AOX1: variants seen among roughly 807,000 people sequenced by gnomAD.
AOX1 encodes the protein aldehyde oxidase 1.
Under a neutral mutation model 169.5 loss-of-function variants are expected in AOX1, and 153 were observed. The ratio of observed to expected loss-of-function variants is 0.90; its 90% CI spans 0.79 to 1.03. The LOEUF is 1.03. Among genes scored for constraint, AOX1 ranks in the 50% least tolerant of loss-of-function variants. The pLI is 0.00. For missense variants in AOX1, 1,656 were observed against 1,663.9 expected, an observed-to-expected ratio of 1.00 and a Z score of 0.08; for synonymous variants, 562 against 581.9, an observed-to-expected ratio of 0.97 and a Z score of 0.49.
intron 23 of AOX1, among the ~76,000 whole-genome samples, chr2:200,638,726 T>G (rs772616619): frequency 1.3e-5 from 2 of 152,226 alleles, no homozygotes; most frequent in Non-Finnish European, 2.9e-5. Flanking sequence ...TCAAGGATAT[T>G]TTTGTAAAAT....
At chr2:200,616,126 T>G in intron 16 of AOX1, 63 bp downstream of exon 16, 2 of 1,170,116 alleles carry the variant, frequency 1.7e-6, no homozygotes, top group Non-Finnish European at 2.5e-6. Flanking sequence ...GACCTGGACA[T>G]TCCCACTGTC....
chr2:200,656,983 T>A (rs2035701049), intron 27 of AOX1, 46 bp downstream of exon 27: 8 of 1,326,104 alleles, frequency 6.0e-6, no homozygotes, highest in Non-Finnish European at 8.3e-6. Context: ...TGCTTATAGA[T>A]CTGTTCATGA....
chr2:200,594,070 G>A (rs952267068), intron 2 of AOX1, among the ~76,000 whole-genome samples: 3 of 152,154 alleles, frequency 2.0e-5, no homozygotes, highest in African/African-American at 7.2e-5. Context: ...AATGTGCCAG[G>A]ATTTTATTAG....
intron 10 of AOX1, among the ~76,000 whole-genome samples, chr2:200,607,061 G>A (rs2034531656): frequency 6.6e-6 from 1 of 152,160 alleles, no homozygotes; most frequent in African/African-American, 2.4e-5. Flanking sequence ...TCTTGTGCCA[G>A]TTTTCAAAGG....
At chr2:200,648,347 A>C (rs942060928) in intron 25 of AOX1, among the ~76,000 whole-genome samples, 10 of 152,036 alleles carry the variant, frequency 6.6e-5, no homozygotes, top group Non-Finnish European at 1.3e-4. Context: ...AACTGCAGTG[A>C]TTGTTGTCTT....
intron 1 of AOX1, among the ~76,000 whole-genome samples, chr2:200,588,725 G>GTTTTTTTTTTTTTT (rs1247445142): frequency 2.4e-5 from 1 of 40,886 alleles, no homozygotes; most frequent in Non-Finnish European, 6.6e-5. Context: ...ACTAGAATAA[G>GTTTTTTTTTTTTTT]CTTTTTTTTT....
At chr2:200,638,810 A>G (rs1184319508) in intron 23 of AOX1, among the ~76,000 whole-genome samples, 1 of 152,222 alleles carries the variant, frequency 6.6e-6, no homozygotes, top group Non-Finnish European at 1.5e-5. Flanking sequence ...GAAAAATTTT[A>G]CTTCTCAGAG....
chr2:200,681,649 A>G (rs746423414), downstream of AOX1, among the ~76,000 whole-genome samples: 2 of 152,242 alleles, frequency 1.3e-5, no homozygotes, highest in Non-Finnish European at 2.9e-5. Context: ...GGCAAGAATT[A>G]TCCATTCCTA....
At position 200,597,775 on chromosome 2, in the gene AOX1, A is replaced by C. The variant is rs1033014822; in HGVS notation, c.309+270A>C. Among the ~76,000 whole-genome samples the C allele has an allele frequency of 6.0e-4, 91 of 152,192 alleles. 1 individual carries two copies. Among genetic ancestry groups the C allele is most frequent in the African/African-American group, 2.1e-3 (89 of 41,450 alleles). ...TTTGTGGGTTTGTTTTTTGTGTTCT[A>C]ATTCGATGGGACCTATCTATTTGAC... On this transcript the variant is annotated intron_variant, in intron 4 of 34. Transcript: ENST00000374700.
At chr2:200,586,188 T>C in intron 1 of AOX1, 35 bp downstream of exon 1, 2 of 1,536,862 alleles carry the variant, frequency 1.3e-6, no homozygotes, top group Middle Eastern at 1.9e-4. Context: ...CCCCCAGACC[T>C]GCGGCCAGGG....
At chr2:200,614,362 C>T (rs1369667964) in intron 15 of AOX1, among the ~76,000 whole-genome samples, 1 of 152,158 alleles carries the variant, frequency 6.6e-6, no homozygotes, top group Non-Finnish European at 1.5e-5. Flanking sequence ...GCTTCATTTC[C>T]CTAGCCCATA....
chr2:200,589,654 T>C (rs957773392), intron 1 of AOX1, among the ~76,000 whole-genome samples: 1 of 152,232 alleles, frequency 6.6e-6, no homozygotes, highest in Non-Finnish European at 1.5e-5. Flanking sequence ...TAAATTGATA[T>C]GTGGAAACAA....
chr2:200,607,468 TAAATG>T (rs2034539055), intron 10 of AOX1, among the ~76,000 whole-genome samples: 1 of 152,048 alleles, frequency 6.6e-6, no homozygotes, highest in East Asian at 1.9e-4. Flanking sequence ...CAGGAAACAA[TAAATG>T]CTGGCAAGGC....
intron 31 of AOX1, among the ~76,000 whole-genome samples, chr2:200,666,274 C>T (rs2035922934): frequency 1.3e-5 from 2 of 152,318 alleles, no homozygotes; most frequent in African/African-American, 2.4e-5. Context: ...AAACATTCCT[C>T]AGCCAGTTGT....
Position 200,586,152 on chromosome 2 carries a change from A to G in AOX1, c.44A>G (p.Lys15Arg). The G allele has an allele frequency of 6.4e-7, 1 of 1,560,632 alleles. No individual in the cohort carries two copies. The highest frequency in any genetic ancestry group is 1.2e-5 in the South Asian group (1 of 84,636). ...SELLFYVNGR[K>R]VIEKNVDPET... is the part of the protein sequence containing the mutation. Reference sequence around the variant, plus strand: ...CTGCTCTTCTACGTGAACGGCCGCAAGGTGAGCGCCCGCGGGCTTCCTCTG... The same window carrying G: ...CTGCTCTTCTACGTGAACGGCCGCAGGGTGAGCGCCCGCGGGCTTCCTCTG... The change falls in exon 1 of 35, where the codon AAG (lysine) becomes AGG (arginine). Residue 15 changes from lysine to arginine, a missense_variant and splice_region_variant. Lys to Arg is a conservative substitution (Grantham distance 26). Transcript: ENST00000374700.
intron 19 of AOX1, among the ~76,000 whole-genome samples, chr2:200,626,495 G>A (rs966745395): frequency 4.6e-5 from 7 of 152,232 alleles, no homozygotes; most frequent in African/African-American, 1.7e-4. Context: ...ATGGATTACT[G>A]CAAGATAAAT....
At chr2:200,630,486 G>A (rs577161224) in intron 20 of AOX1, among the ~76,000 whole-genome samples, 1 of 150,966 alleles carries the variant, frequency 6.6e-6, no homozygotes, top group East Asian at 1.9e-4. Context: ...TCAGGCCACT[G>A]TACTCCAGCC....
chr2:200,664,119 CTGTTTGTT>C (rs67897892), intron 31 of AOX1, among the ~76,000 whole-genome samples: 1 of 151,424 alleles, frequency 6.6e-6, no homozygotes, highest in South Asian at 2.1e-4. Flanking sequence ...GAACTGATTT[CTGTTTGTT>C]TGTTTGTTTG....
intron 16 of AOX1, among the ~76,000 whole-genome samples, chr2:200,619,837 A>G (rs1028921816): frequency 4.6e-5 from 7 of 152,106 alleles, no homozygotes; most frequent in Non-Finnish European, 1.0e-4. Context: ...CTCACTCAAA[A>G]TTGAAAAAAA....
Sources: gnomAD v4.1 joint callset for allele counts (sites outside exome capture counted in the v4.1 genomes callset) on GRCh38, gnomAD v4.1.1 for gene constraint, MANE v1.5 for transcripts, NCBI Gene and HGNC (gene_info 2026-07-23, HGNC 2026-07-21) for gene names.